Variants in EFCAB6 observed in about 807,000 individuals in gnomAD.
EFCAB6 encodes EF-hand calcium-binding domain-containing protein 6.
EFCAB6 carries 156 observed loss-of-function variants against 169.8 expected under a neutral mutation model. The ratio of observed to expected loss-of-function variants is 0.92; its 90% CI spans 0.81 to 1.05. The LOEUF is 1.05. EFCAB6 is among the 50% of genes least tolerant of loss of function. The pLI, the probability that EFCAB6 is intolerant of heterozygous loss-of-function variation, is 0.00. For synonymous variants in EFCAB6, 698 were observed against 676.4 expected (o/e 1.03, Z -0.50); for missense variants, 1,800 against 1,829.1 (o/e 0.98, Z 0.29).
intron 3 of EFCAB6, among the ~76,000 whole-genome samples, chr22:43,779,893 C>A (rs1025453016): frequency 6.6e-6 from 1 of 152,114 alleles, no homozygotes. Context: ...AGAGCTCATA[C>A]TAGTCACTAA....
intron 20 of EFCAB6, among the ~76,000 whole-genome samples, chr22:43,621,152 G>A (rs1056685554): frequency 2.0e-5 from 3 of 150,372 alleles, no homozygotes; most frequent in Admixed American, 6.6e-5. Context: ...GCAGTGGTGC[G>A]ATCTCGGCTC....
chr22:43,565,949 T>A lies in EFCAB6; in HGVS notation c.3420+10348A>T, dbSNP rs1038785576. ...CAAAGAAATTAATTGTACTGTATCT[T>A]CATTTGTATTTACAGTGAATAAATG... is the stretch of plus-strand genomic sequence containing the variant. On this transcript the variant is annotated intron_variant, in intron 26 of 31. Transcript: ENST00000262726. 2.6e-5 allele frequency among the ~76,000 whole-genome samples: 4 copies of A among 152,050 alleles called. No homozygotes were observed. In the South Asian group the frequency reaches 6.2e-4, roughly 24 times the overall value.
chr22:43,687,268 A>G (rs1360078530), intron 11 of EFCAB6, among the ~76,000 whole-genome samples: 1 of 152,224 alleles, frequency 6.6e-6, no homozygotes, highest in Non-Finnish European at 1.5e-5. Context: ...TGACATAACA[A>G]TTATACCAAC....
At chr22:43,547,408 A>G (rs2048120230) in intron 27 of EFCAB6, among the ~76,000 whole-genome samples, 1 of 152,210 alleles carries the variant, frequency 6.6e-6, no homozygotes, top group Admixed American at 6.5e-5. Context: ...ATAGATATAT[A>G]ATTTCCAAAC....
chr22:43,650,479 T>C (rs759246008), intron 17 of EFCAB6, among the ~76,000 whole-genome samples: 4 of 152,218 alleles, frequency 2.6e-5, no homozygotes, highest in Non-Finnish European at 5.9e-5. Context: ...GTTAAACTTC[T>C]TTCTTTTGTA....
chr22:43,604,808 A>G (rs1024541162), intron 22 of EFCAB6, among the ~76,000 whole-genome samples: 1 of 152,142 alleles, frequency 6.6e-6, no homozygotes, highest in Non-Finnish European at 1.5e-5. Flanking sequence ...ATATCAAGAA[A>G]TGTGCATAAA....
intron 23 of EFCAB6, among the ~76,000 whole-genome samples, chr22:43,596,338 T>TA (rs942349114): frequency 1.3e-5 from 2 of 151,710 alleles, no homozygotes; most frequent in East Asian, 1.9e-4. Flanking sequence ...ATTTTATATT[T>TA]AAAAAAAACC....
intron 17 of EFCAB6, among the ~76,000 whole-genome samples, chr22:43,653,293 A>G (rs1271801191): frequency 6.6e-6 from 1 of 152,238 alleles, no homozygotes; most frequent in Non-Finnish European, 1.5e-5. Context: ...GCTGAAATCC[A>G]AAGACAGAGG....
chr22:43,634,389 C>G (rs1392814586), intron 18 of EFCAB6, among the ~76,000 whole-genome samples: 1 of 152,082 alleles, frequency 6.6e-6, no homozygotes, highest in East Asian at 1.9e-4. Flanking sequence ...AAGGATCCAG[C>G]CTGAGTCTCT....
At chr22:43,752,171 A>G (rs913756767) in intron 6 of EFCAB6, among the ~76,000 whole-genome samples, 13 of 138,392 alleles carry the variant, frequency 9.4e-5, no homozygotes, top group African/African-American at 3.6e-4. Flanking sequence ...AGGCTGGAGT[A>G]CAGTGGCACT....
chr22:43,752,469 T>A (rs570331499), intron 6 of EFCAB6, among the ~76,000 whole-genome samples: 1 of 152,196 alleles, frequency 6.6e-6, no homozygotes, highest in African/African-American at 2.4e-5. Flanking sequence ...TGTTCAGACA[T>A]CCGCCCTTCT....
chr22:43,784,123 A>C (rs2061925251), intron 2 of EFCAB6, among the ~76,000 whole-genome samples: 1 of 152,184 alleles, frequency 6.6e-6, no homozygotes, highest in African/African-American at 2.4e-5. Flanking sequence ...TGAGATGTGC[A>C]AAGAAACAAG....
chr22:43,739,415 C>T (rs1461592170), intron 6 of EFCAB6, among the ~76,000 whole-genome samples: 1 of 152,026 alleles, frequency 6.6e-6, no homozygotes, highest in Non-Finnish European at 1.5e-5. Flanking sequence ...CATCTCTAAG[C>T]CTGGAGCATT....
chr22:43,652,270 G>A (rs1023259842), intron 17 of EFCAB6, among the ~76,000 whole-genome samples: 1 of 152,082 alleles, frequency 6.6e-6, no homozygotes, highest in African/African-American at 2.4e-5. Context: ...AGATCTGATG[G>A]TTTTAAAAGG....
intron 5 of EFCAB6, 116 bp from the exon 6 acceptor site, chr22:43,755,948 G>T (rs1291801228): frequency 5.8e-6 from 6 of 1,042,302 alleles, no homozygotes; most frequent in Non-Finnish European, 8.0e-6. Context: ...AAAATGCAAG[G>T]TATTTCTTAC....
At position 43,528,814 on chromosome 22, in the gene EFCAB6, C is replaced by T. The variant is rs928696950; in HGVS notation, c.*39G>A. On this transcript the variant is annotated 3_prime_UTR_variant, in exon 32 of 32. Coordinates refer to ENST00000262726, the MANE Select transcript of EFCAB6 (RefSeq NM_022785.4). ...GGATTTTATTAGCCTTGAAACAGGC[C>T]CTGTGGCTGTCGTCCCGCTGGGCAC... 12 of 1,563,610 alleles carry T rather than the reference C, an allele frequency of 7.7e-6. No homozygotes were observed. Among genetic ancestry groups the T allele is most frequent in the Non-Finnish European group, 8.8e-6 (10 of 1,142,180 alleles).
chr22:43,736,330 G>A (rs954103143), intron 6 of EFCAB6, among the ~76,000 whole-genome samples: 5 of 152,126 alleles, frequency 3.3e-5, no homozygotes, highest in African/African-American at 1.2e-4. Context: ...TACAGTTCTG[G>A]CATGGCTGGA....
Position 43,668,872 on chromosome 22 carries a change from C to T in EFCAB6, c.1814G>A (p.Arg605Lys). 29 of 1,585,428 alleles carry T rather than the reference C, an allele frequency of 1.8e-5. No homozygotes were observed. The highest frequency in any genetic ancestry group is 2.5e-5 in the Non-Finnish European group (29 of 1,165,500). The change falls in exon 16 of 32, where the codon AGA becomes AAA. Residue 605 changes from arginine to lysine, a missense_variant and splice_region_variant. Physicochemically the swap from Arg to Lys is conservative, Grantham distance 26. Coordinates refer to ENST00000262726, the MANE Select transcript of EFCAB6 (RefSeq NM_022785.4). Reference sequence around the variant, plus strand: ...GTGCATTCATTTTGCTTAATTTTACCTCTCAGAAAGATCTGGCTGCTGCTG... The same window carrying T: ...GTGCATTCATTTTGCTTAATTTTACTTCTCAGAAAGATCTGGCTGCTGCTG... ...DEQQQPDLSE[R>K]TKLTEDKTTL...
intron 11 of EFCAB6, among the ~76,000 whole-genome samples, chr22:43,687,043 G>A (rs2058222243): frequency 6.6e-6 from 1 of 152,172 alleles, no homozygotes; most frequent in Non-Finnish European, 1.5e-5. Context: ...CTCAGTGGCT[G>A]GAAAACAAAT....
Sources: allele counts gnomAD v4.1 joint callset (sites outside exome capture counted in the v4.1 genomes callset), GRCh38; gene constraint gnomAD v4.1.1; transcripts MANE v1.5; gene names NCBI Gene and HGNC (gene_info 2026-07-23, HGNC 2026-07-21).